Variants in PRKCA observed in about 807,000 individuals in gnomAD.
PRKCA encodes the protein protein kinase C alpha, also known as protein kinase C alpha type.
Under a neutral mutation model 87.0 loss-of-function variants are expected in PRKCA, and 27 were observed. The observed-to-expected ratio is 0.31, with a 90% CI of 0.23 to 0.43. The LOEUF (loss-of-function observed/expected upper bound fraction) is 0.43, where lower values mean the gene tolerates loss of function less well. Among genes scored for constraint, PRKCA ranks in the 20% least tolerant of loss-of-function variants. PRKCA has a pLI of 1.00. For missense variants in PRKCA, 518 were observed against 852.3 expected (o/e 0.61, Z 4.88); for synonymous variants, 329 against 311.1 (o/e 1.06, Z -0.61).
chr17:66,344,583 C>T (rs1435943427), intron 2 of PRKCA, among the ~76,000 whole-genome samples: 2 of 152,124 alleles, frequency 1.3e-5, no homozygotes, highest in Admixed American at 6.6e-5. Flanking sequence ...CATAATCATC[C>T]CTGTAAAGTT....
intron 3 of PRKCA, among the ~76,000 whole-genome samples, chr17:66,639,003 A>T (rs565250767): frequency 3.9e-5 from 6 of 152,372 alleles, no homozygotes; most frequent in African/African-American, 1.2e-4. Context: ...AGCCAAGAAT[A>T]TTCTGCTTTA....
intron 2 of PRKCA, among the ~76,000 whole-genome samples, chr17:66,404,624 G>A (rs891674198): frequency 2.0e-5 from 3 of 151,796 alleles, no homozygotes; most frequent in Non-Finnish European, 4.4e-5. Flanking sequence ...ACCCAAATAC[G>A]AAGAAGCAAG....
At chr17:66,542,847 T>A (rs1968029626) in intron 3 of PRKCA, among the ~76,000 whole-genome samples, 1 of 152,232 alleles carries the variant, frequency 6.6e-6, no homozygotes, top group South Asian at 2.1e-4. Context: ...CATTCTAGTG[T>A]ATGCATGTGA....
At chr17:66,778,142 C>T in intron 14 of PRKCA, 3 of 985,384 alleles carry the variant, frequency 3.0e-6, no homozygotes, top group Non-Finnish European at 3.6e-6. Flanking sequence ...TGGCCTGTTT[C>T]CAATATTTCC....
At chr17:66,527,510 T>A (rs921539013) in intron 3 of PRKCA, among the ~76,000 whole-genome samples, 13 of 152,240 alleles carry the variant, frequency 8.5e-5, no homozygotes, top group Admixed American at 2.6e-4. Context: ...TTATTTCTGT[T>A]CTGCTGAAAG....
At chr17:66,504,606 A>G (rs1171648136) in intron 3 of PRKCA, among the ~76,000 whole-genome samples, 1 of 152,150 alleles carries the variant, frequency 6.6e-6, no homozygotes, top group Non-Finnish European at 1.5e-5. Flanking sequence ...AAAGAAAAAA[A>G]AAAAAAGATT....
chr17:66,431,337 C>T (rs536243824), intron 2 of PRKCA, among the ~76,000 whole-genome samples: 1 of 152,112 alleles, frequency 6.6e-6, no homozygotes, highest in African/African-American at 2.4e-5. Context: ...TGCAGCTGTG[C>T]CGGACAATAG....
intron 5 of PRKCA, among the ~76,000 whole-genome samples, chr17:66,661,161 C>T (rs1387436075): frequency 2.0e-5 from 3 of 152,148 alleles, no homozygotes; most frequent in African/African-American, 2.4e-5. Context: ...CTAGACGATT[C>T]TACAGCTTCG....
chr17:66,427,440 G>A (rs1567823558), intron 2 of PRKCA, among the ~76,000 whole-genome samples: 4 of 152,262 alleles, frequency 2.6e-5, no homozygotes, highest in Admixed American at 2.0e-4. Context: ...AAGAGAGACA[G>A]TATGGTTCAC....
At chr17:66,477,930 T>G (rs1231444596) in intron 2 of PRKCA, among the ~76,000 whole-genome samples, 1 of 152,212 alleles carries the variant, frequency 6.6e-6, no homozygotes, top group Non-Finnish European at 1.5e-5. Flanking sequence ...CTAATTCTTG[T>G]TTGACCTAGC....
intron 8 of PRKCA, among the ~76,000 whole-genome samples, chr17:66,710,306 G>T (rs1392434723): frequency 1.3e-5 from 2 of 152,010 alleles, no homozygotes; most frequent in East Asian, 3.9e-4. Context: ...TGCTGTGCCT[G>T]CCTGCATCAT....
At chr17:66,649,786 A>C (rs1211855646) in intron 5 of PRKCA, among the ~76,000 whole-genome samples, 1 of 152,242 alleles carries the variant, frequency 6.6e-6, no homozygotes. Context: ...AAGAGAACAA[A>C]GAACAACCCA....
At chr17:66,429,187 T>A (rs1360950055) in intron 2 of PRKCA, among the ~76,000 whole-genome samples, 1 of 152,160 alleles carries the variant, frequency 6.6e-6, no homozygotes, top group Admixed American at 6.5e-5. Flanking sequence ...GCTTCATAAA[T>A]ATGTGTTAAA....
intron 5 of PRKCA, among the ~76,000 whole-genome samples, chr17:66,648,100 A>G (rs982510787): frequency 6.6e-6 from 1 of 152,176 alleles, no homozygotes; most frequent in African/African-American, 2.4e-5. Flanking sequence ...TGCTTCATAG[A>G]TGGCACTTCT....
At chr17:66,455,634 G>A (rs185020459) in intron 2 of PRKCA, among the ~76,000 whole-genome samples, 1 of 152,298 alleles carries the variant, frequency 6.6e-6, no homozygotes, top group Non-Finnish European at 1.5e-5. Flanking sequence ...TTGGAGAAAA[G>A]GCCCTGCTGT....
chr17:66,450,576 A>G (rs1009960539), intron 2 of PRKCA, among the ~76,000 whole-genome samples: 1 of 145,802 alleles, frequency 6.9e-6, no homozygotes, highest in African/African-American at 2.5e-5. Context: ...GGGAGGAAAC[A>G]GAAAGCTGCG....
chr17:66,765,292 A>C (rs548229763), intron 13 of PRKCA, among the ~76,000 whole-genome samples: 1 of 151,274 alleles, frequency 6.6e-6, no homozygotes, highest in East Asian at 2.0e-4. Flanking sequence ...GGGTGCCTAT[A>C]ATCCCAGCTA....
intron 2 of PRKCA, among the ~76,000 whole-genome samples, chr17:66,476,789 T>C (rs1915553190): frequency 6.6e-6 from 1 of 152,218 alleles, no homozygotes; most frequent in African/African-American, 2.4e-5. Flanking sequence ...TTGTTGCAAG[T>C]TCCCAATAAT....
At chr17:66,800,034 C>T (rs140086112) in intron 16 of PRKCA, among the ~76,000 whole-genome samples, 89 of 152,232 alleles carry the variant, frequency 5.8e-4, no homozygotes, top group African/African-American at 2.1e-3. Context: ...AGGCTTTCTT[C>T]CGGTTTCTTG....
Sources: gnomAD v4.1 joint callset for allele counts (sites outside exome capture counted in the v4.1 genomes callset) on GRCh38, gnomAD v4.1.1 for gene constraint, MANE v1.5 for transcripts, NCBI Gene and HGNC (gene_info 2026-07-23, HGNC 2026-07-21) for gene names.